SPMIP2: variants seen among roughly 807,000 people sequenced by gnomAD.
SPMIP2 encodes protein SPMIP2.
chr4:159,038,371 C>T, the SPMIP2 span, among the ~76,000 whole-genome samples: 8 of 152,128 alleles, frequency 5.3e-5, no homozygotes, highest in African/African-American at 1.9e-4. Context: ...TAGTAATTTA[C>T]ACTTCTGTTC....
chr4:159,073,240 A>C, the SPMIP2 span, among the ~76,000 whole-genome samples: 6 of 152,034 alleles, frequency 3.9e-5, no homozygotes, highest in Admixed American at 6.6e-5. Flanking sequence ...TGCAGCCTCG[A>C]CCTCCCAGGC....
chr4:158,898,214 A>C, the SPMIP2 span, among the ~76,000 whole-genome samples: 1 of 152,174 alleles, frequency 6.6e-6, no homozygotes, highest in African/African-American at 2.4e-5. Context: ...TTTTGGTACC[A>C]ATACCGTGCT....
the SPMIP2 span, among the ~76,000 whole-genome samples, chr4:158,989,689 T>A: frequency 6.6e-6 from 1 of 152,194 alleles, no homozygotes; most frequent in Non-Finnish European, 1.5e-5. Flanking sequence ...TGCAGAAAAC[T>A]GAAACTGGAT....
At chr4:159,070,992 G>A in the SPMIP2 span, among the ~76,000 whole-genome samples, 1 of 152,166 alleles carries the variant, frequency 6.6e-6, no homozygotes, top group Non-Finnish European at 1.5e-5. Context: ...TTGGCAACAT[G>A]ATTTTCAGAA....
chr4:158,961,555 TTCCATTGAATTTTATTATCAGCTTA>T, the SPMIP2 span, among the ~76,000 whole-genome samples: 3 of 152,130 alleles, frequency 2.0e-5, no homozygotes, highest in Non-Finnish European at 4.4e-5. Context: ...TGAATTTGAA[TTCCATTGAATTTTATTATCAGCTTA>T]TCCATTGAAT....
the SPMIP2 span, among the ~76,000 whole-genome samples, chr4:158,976,324 T>C: frequency 6.6e-6 from 1 of 152,216 alleles, no homozygotes; most frequent in Non-Finnish European, 1.5e-5. Context: ...CAATACTATG[T>C]TGAACAGGAG....
At chr4:159,044,819 C>T in the SPMIP2 span, among the ~76,000 whole-genome samples, 7 of 152,192 alleles carry the variant, frequency 4.6e-5, no homozygotes, top group African/African-American at 7.2e-5. Context: ...TGGCTGGGCA[C>T]GATGGCTCAC....
the SPMIP2 span, among the ~76,000 whole-genome samples, chr4:158,927,526 G>A: frequency 0.64 from 96,612 of 152,140 alleles, 31,074 homozygotes; most frequent in East Asian, 0.89. Context: ...GTATTGAGAG[G>A]TGACAGCGTG....
At chr4:158,913,894 A>G in the SPMIP2 span, among the ~76,000 whole-genome samples, 10 of 152,174 alleles carry the variant, frequency 6.6e-5, no homozygotes, top group African/African-American at 1.9e-4. Flanking sequence ...CATGTCTGCA[A>G]CTTGCACTCA....
the SPMIP2 span, chr4:159,035,101 A>G: frequency 1.2e-6 from 2 of 1,611,832 alleles, no homozygotes; most frequent in African/African-American, 2.7e-5. Context: ...TGCCATGGCT[A>G]AAGTCTTAAC....
At chr4:158,895,530 T>A in the SPMIP2 span, among the ~76,000 whole-genome samples, 2 of 152,240 alleles carry the variant, frequency 1.3e-5, no homozygotes, top group African/African-American at 2.4e-5. Flanking sequence ...AATACATATG[T>A]AAATCTTAAT....
chr4:159,072,617 C>T, the SPMIP2 span, among the ~76,000 whole-genome samples: 5 of 151,872 alleles, frequency 3.3e-5, no homozygotes, highest in Non-Finnish European at 5.9e-5. Context: ...CACGCACCAC[C>T]ATGCCTATAT....
the SPMIP2 span, among the ~76,000 whole-genome samples, chr4:158,969,024 T>C: frequency 2.0e-5 from 3 of 151,862 alleles, no homozygotes; most frequent in African/African-American, 4.9e-5. Context: ...TTACCTCATA[T>C]AGTTTTTAAA....
At chr4:159,022,813 C>T in the SPMIP2 span, among the ~76,000 whole-genome samples, 1 of 151,988 alleles carries the variant, frequency 6.6e-6, no homozygotes, top group African/African-American at 2.4e-5. Flanking sequence ...TGGTGGATCA[C>T]GAGGTTAGGA....
At chr4:159,005,155 C>CAAGAGGCGG in the SPMIP2 span, among the ~76,000 whole-genome samples, 4 of 143,310 alleles carry the variant, frequency 2.8e-5, no homozygotes, top group African/African-American at 1.0e-4. Context: ...CCCTTGAACC[C>CAAGAGGCGG]AGGTTGCAGT....
the SPMIP2 span, among the ~76,000 whole-genome samples, chr4:159,060,626 A>G: frequency 6.6e-6 from 1 of 152,338 alleles, no homozygotes; most frequent in Non-Finnish European, 1.5e-5. Context: ...TTAACACTTA[A>G]AAATCTGAGA....
At chr4:159,046,265 A>T in the SPMIP2 span, among the ~76,000 whole-genome samples, 1 of 151,398 alleles carries the variant, frequency 6.6e-6, no homozygotes, top group Non-Finnish European at 1.5e-5. Flanking sequence ...CTTCCTTCAG[A>T]TGGAGAAAAT....
chr4:158,915,493 G>C, the SPMIP2 span: 1 of 756,400 alleles, frequency 1.3e-6, no homozygotes, highest in Non-Finnish European at 2.1e-6. Context: ...GAAAGCTGAA[G>C]ACCTGACCCA....
the SPMIP2 span, among the ~76,000 whole-genome samples, chr4:158,917,608 C>T: frequency 6.6e-6 from 1 of 151,914 alleles, no homozygotes; most frequent in African/African-American, 2.4e-5. Context: ...TCCCTCTCCT[C>T]CTTATTTCCT....
Sources: gnomAD v4.1 joint callset for allele counts (sites outside exome capture counted in the v4.1 genomes callset) on GRCh38, gnomAD v4.1.1 for gene constraint, MANE v1.5 for transcripts, NCBI Gene and HGNC (gene_info 2026-07-23, HGNC 2026-07-21) for gene names.